STK33: variants seen among roughly 807,000 people sequenced by gnomAD.
STK33 encodes serine/threonine-protein kinase 33.
In STK33, 52 loss-of-function variants were observed where a neutral mutation model predicts 58.0. The ratio of observed to expected loss-of-function variants is 0.90; its 90% CI spans 0.72 to 1.13. The LOEUF is 1.13. STK33 is among the 50% of genes most tolerant of loss of function. The pLI is 0.00. For missense variants in STK33, 630 were observed against 604.2 expected, an observed-to-expected ratio of 1.04 and a Z score of -0.45; for synonymous variants, 215 against 200.1, an observed-to-expected ratio of 1.07 and a Z score of -0.63.
At chr11:8,533,968 T>C (rs1033724784) in intron 1 of STK33, among the ~76,000 whole-genome samples, 1 of 152,278 alleles carries the variant, frequency 6.6e-6, no homozygotes, top group African/African-American at 2.4e-5. Flanking sequence ...ACAGAGTCCA[T>C]GTTTATGCCC....
At chr11:8,516,392 C>T (rs1304502018) in intron 1 of STK33, among the ~76,000 whole-genome samples, 1 of 152,142 alleles carries the variant, frequency 6.6e-6, no homozygotes, top group Admixed American at 6.5e-5. Context: ...CCTAGATGGC[C>T]GAATAGGCAC....
chr11:8,504,811 A>C (rs1156355021), intron 1 of STK33, among the ~76,000 whole-genome samples: 1 of 152,102 alleles, frequency 6.6e-6, no homozygotes, highest in East Asian at 1.9e-4. Flanking sequence ...AAAAAAGGAA[A>C]ATAAATAAAT....
At chr11:8,437,290 C>T (rs1202340777) in intron 12 of STK33, among the ~76,000 whole-genome samples, 1 of 152,148 alleles carries the variant, frequency 6.6e-6, no homozygotes, top group African/African-American at 2.4e-5. Flanking sequence ...AAAGCTATTA[C>T]TTCAATAAGT....
chr11:8,440,591 T>A (rs1487502333), intron 12 of STK33, 87 bp downstream of exon 12: 11 of 1,143,008 alleles, frequency 9.6e-6, no homozygotes, highest in Non-Finnish European at 1.3e-5. Flanking sequence ...TTTAAAAATA[T>A]ATATTAGTTT....
At chr11:8,527,015 AGGCT>A (rs1954096895) in intron 1 of STK33, among the ~76,000 whole-genome samples, 1 of 146,228 alleles carries the variant, frequency 6.8e-6, no homozygotes, top group Non-Finnish European at 1.5e-5. Flanking sequence ...CTTGTTGCCC[AGGCT>A]GGCGTGCAAT....
chr11:8,522,312 A>C (rs1953531821), intron 1 of STK33, among the ~76,000 whole-genome samples: 1 of 152,192 alleles, frequency 6.6e-6, no homozygotes, highest in Admixed American at 6.5e-5. Flanking sequence ...GGATGAGTTC[A>C]TGTCCTTTGC....
intron 1 of STK33, among the ~76,000 whole-genome samples, chr11:8,557,518 A>G (rs1956847588): frequency 6.6e-6 from 1 of 152,086 alleles, no homozygotes; most frequent in South Asian, 2.1e-4. Flanking sequence ...CAAAATATAC[A>G]TTCCTATCTC....
the STK33 span, among the ~76,000 whole-genome samples, chr11:8,338,780 C>G: frequency 4.8e-4 from 73 of 152,286 alleles, no homozygotes; most frequent in Admixed American, 1.4e-3. Context: ...GTCAGTCTGA[C>G]AGTCAATGGC....
At chr11:8,499,816 AG>A (rs1232988192) in intron 1 of STK33, among the ~76,000 whole-genome samples, 1 of 152,194 alleles carries the variant, frequency 6.6e-6, no homozygotes, top group Non-Finnish European at 1.5e-5. Flanking sequence ...AAACTAACAC[AG>A]GAACAGAAAA....
chr11:8,564,285 G>C (rs971113252), intron 1 of STK33, among the ~76,000 whole-genome samples: 1 of 152,132 alleles, frequency 6.6e-6, no homozygotes, highest in Admixed American at 6.5e-5. Flanking sequence ...AAATAGAAGA[G>C]ACAGATGACT....
chr11:8,352,846 G>C, the STK33 span, among the ~76,000 whole-genome samples: 11 of 152,342 alleles, frequency 7.2e-5, no homozygotes, highest in East Asian at 1.9e-3. Context: ...GGTGCTGCTA[G>C]AGATTATTTC....
chr11:8,453,123 C>T (rs1946480730), intron 10 of STK33, among the ~76,000 whole-genome samples: 1 of 152,186 alleles, frequency 6.6e-6, no homozygotes, highest in Admixed American at 6.5e-5. Flanking sequence ...GTTCTCAAAT[C>T]TTGAGAGAAT....
chr11:8,528,782 G>A (rs371665168), intron 1 of STK33, among the ~76,000 whole-genome samples: 9 of 152,278 alleles, frequency 5.9e-5, no homozygotes, highest in African/African-American at 1.9e-4. Flanking sequence ...GGTATGGCTG[G>A]AGTATACAGT....
At chr11:8,527,040 C>G (rs78584818) in intron 1 of STK33, among the ~76,000 whole-genome samples, 7,883 of 149,228 alleles carry the variant, frequency 0.053, 281 homozygotes, top group Non-Finnish European at 0.071. Context: ...GACATAATCT[C>G]GGCTCACTGC....
intron 1 of STK33, among the ~76,000 whole-genome samples, chr11:8,547,421 C>G (rs1338974500): frequency 1.3e-5 from 2 of 152,168 alleles, no homozygotes; most frequent in African/African-American, 4.8e-5. Context: ...ACCATGTTGA[C>G]CAGGCTGGTC....
intron 8 of STK33, among the ~76,000 whole-genome samples, chr11:8,458,347 T>C (rs1357266963): frequency 6.6e-6 from 1 of 151,990 alleles, no homozygotes; most frequent in African/African-American, 2.4e-5. Context: ...ATAGAATTTT[T>C]ACATGACATG....
chr11:8,491,209 G>A (rs1223468679), intron 1 of STK33, among the ~76,000 whole-genome samples: 3 of 152,130 alleles, frequency 2.0e-5, no homozygotes, highest in African/African-American at 7.2e-5. Context: ...AAGATTAGAC[G>A]AATAGCTAAC....
chr11:8,514,111 T>C (rs1952565022), intron 1 of STK33, among the ~76,000 whole-genome samples: 1 of 152,182 alleles, frequency 6.6e-6, no homozygotes, highest in Non-Finnish European at 1.5e-5. Context: ...AACATAATGA[T>C]TTCAGGTTCT....
intron 15 of STK33, among the ~76,000 whole-genome samples, chr11:8,394,307 C>T (rs1848987359): frequency 6.6e-6 from 1 of 152,048 alleles, no homozygotes; most frequent in Non-Finnish European, 1.5e-5. Context: ...AGATATACAC[C>T]CTATCTTTAA....
Sources: allele counts gnomAD v4.1 joint callset (sites outside exome capture counted in the v4.1 genomes callset), GRCh38; gene constraint gnomAD v4.1.1; transcripts MANE v1.5; gene names NCBI Gene and HGNC (gene_info 2026-07-23, HGNC 2026-07-21).